Variants in TNKS observed in about 807,000 individuals in gnomAD.
TNKS encodes tankyrase.
A neutral mutation model predicts 135.8 loss-of-function variants in TNKS; 72 were observed. That is an observed-to-expected ratio of 0.53 (90% CI 0.44 to 0.64). The LOEUF is 0.64. Ranked by LOEUF, TNKS falls within the 30% of genes least tolerant of loss-of-function variation. The probability of loss-of-function intolerance (pLI) is 0.00; values close to 1 mark genes in which losing one functional copy is unlikely to be tolerated. For missense variants in TNKS, 1,769 were observed against 1,674.0 expected, an observed-to-expected ratio of 1.06 and a Z score of -0.99; for synonymous variants, 849 against 649.3, an observed-to-expected ratio of 1.31 and a Z score of -4.68.
Position 9,663,690 on chromosome 8 carries a change from A to T in TNKS, c.995-16261A>T, listed in dbSNP as rs116263527. ...TTCCCATGACCTCTTCATCAAGTTT[A>T]ATTATTTGCTAGTGGTGCCCACAGA... On this transcript the variant is annotated intron_variant, in intron 3 of 26. Transcript: ENST00000310430. Among the ~76,000 whole-genome samples, 334 of 152,230 alleles carry T rather than the reference A, an allele frequency of 2.2e-3. 1 individual carries two copies. The highest frequency in any genetic ancestry group is 7.5e-3 in the African/African-American group (311 of 41,542).
At chr8:9,649,351 G>T (rs1281764483) in intron 3 of TNKS, among the ~76,000 whole-genome samples, 8 of 152,206 alleles carry the variant, frequency 5.3e-5, no homozygotes, top group African/African-American at 1.7e-4. Context: ...TGGCGAATAA[G>T]ATGAGGCAAG....
chr8:9,725,813 T>C (rs1374422507), intron 12 of TNKS, among the ~76,000 whole-genome samples: 5 of 152,212 alleles, frequency 3.3e-5, no homozygotes, highest in Non-Finnish European at 7.3e-5. Context: ...TTTAAAAACT[T>C]ATTTTATTTG....
intron 11 of TNKS, among the ~76,000 whole-genome samples, chr8:9,715,081 G>A (rs1177046774): frequency 6.6e-6 from 1 of 152,162 alleles, no homozygotes; most frequent in African/African-American, 2.4e-5. Flanking sequence ...AGTGTCTACA[G>A]AGTACAGGAG....
intron 1 of TNKS, among the ~76,000 whole-genome samples, chr8:9,571,657 C>T (rs911474272): frequency 2.6e-5 from 4 of 152,088 alleles, no homozygotes; most frequent in East Asian, 1.9e-4. Flanking sequence ...CGGGGTTTCA[C>T]CGTGTTAGCT....
At chr8:9,760,756 A>G (rs1310244374) in intron 20 of TNKS, among the ~76,000 whole-genome samples, 1 of 152,224 alleles carries the variant, frequency 6.6e-6, no homozygotes, top group Non-Finnish European at 1.5e-5. Context: ...TTTTGAGCCA[A>G]CTAATCATCT....
At chr8:9,776,315 C>CA (rs1808224015) in intron 26 of TNKS, among the ~76,000 whole-genome samples, 1 of 152,226 alleles carries the variant, frequency 6.6e-6, no homozygotes, top group Non-Finnish European at 1.5e-5. Flanking sequence ...CGCTGTGTGA[C>CA]AGCACCAATG....
At chr8:9,612,703 T>G (rs1468919144) in intron 2 of TNKS, among the ~76,000 whole-genome samples, 1 of 151,986 alleles carries the variant, frequency 6.6e-6, no homozygotes, top group Non-Finnish European at 1.5e-5. Context: ...AATGGTAGAG[T>G]CGAGGGAGGG....
rs559338665 is a variant in TNKS, at chr8:9,722,421, C to A, written c.1921+1876C>A. ...AGGTCATTCGTAGATAGTGATCATTCTACTTCAGCCTTAATGGTGATCTTG... is the reference window on the plus strand; with the variant it reads ...AGGTCATTCGTAGATAGTGATCATTATACTTCAGCCTTAATGGTGATCTTG... On this transcript the variant is annotated intron_variant, in intron 12 of 26. Coordinates refer to ENST00000310430, the MANE Select transcript of TNKS (RefSeq NM_003747.3). The A allele has an allele frequency of 8.3e-4, 127 of 152,268 alleles. 1 individual carries two copies. The highest frequency in any genetic ancestry group is 3.0e-3 in the African/African-American group (123 of 41,556). 9.4% of individuals were successfully genotyped at this position (152,268 alleles called of 1,614,324 possible).
chr8:9,613,268 G>GTTGAGAGTA (rs1373772809), intron 2 of TNKS, among the ~76,000 whole-genome samples: 1 of 152,198 alleles, frequency 6.6e-6, no homozygotes, highest in Non-Finnish European at 1.5e-5. Flanking sequence ...CACTGGTAGA[G>GTTGAGAGTA]TTGAGAGTAC....
chr8:9,730,064 C>T (rs11778555), intron 13 of TNKS, among the ~76,000 whole-genome samples: 89,530 of 152,002 alleles, frequency 0.59, 26,702 homozygotes, highest in Middle Eastern at 0.7. Context: ...CGTGAGCCAA[C>T]GCACCTGGCC....
In TNKS at chr8:9,710,249, G is replaced by T. The variant is rs190310339; in HGVS notation, c.1749+29G>T. The T allele has an allele frequency of 8.7e-6, 14 of 1,606,818 alleles. No individual in the cohort carries two copies. In the East Asian group the frequency reaches 2.5e-4, roughly 28 times the overall value. ...AGGCACACACCTGAGCAGAGTGCCA[G>T]ACTCAGCACTGAGCAGCCAGCTGCT... On this transcript the variant is annotated intron_variant, in intron 11 of 26. Transcript: ENST00000310430.
intron 5 of TNKS, among the ~76,000 whole-genome samples, chr8:9,698,770 T>A (rs189042359): frequency 6.7e-4 from 102 of 152,320 alleles, no homozygotes; most frequent in African/African-American, 2.2e-3. Flanking sequence ...AAATTAAAAC[T>A]ACCTTAAATG....
At chr8:9,685,376 G>C (rs1427927532) in intron 5 of TNKS, among the ~76,000 whole-genome samples, 1 of 152,082 alleles carries the variant, frequency 6.6e-6, no homozygotes, top group African/African-American at 2.4e-5. Context: ...TTTCCACAAG[G>C]CATTTGAGAG....
intron 1 of TNKS, among the ~76,000 whole-genome samples, chr8:9,577,198 G>C (rs1339907259): frequency 6.6e-6 from 1 of 151,852 alleles, no homozygotes; most frequent in Admixed American, 6.6e-5. Flanking sequence ...AATTGGTAGA[G>C]GGCAACTTGG....
chr8:9,646,354 C>G (rs1265919942), intron 3 of TNKS, among the ~76,000 whole-genome samples: 1 of 151,916 alleles, frequency 6.6e-6, no homozygotes, highest in African/African-American at 2.4e-5. Context: ...TTTTTATTCA[C>G]CTTTTTAAAT....
At chr8:9,564,020 G>C (rs541070249) in intron 1 of TNKS, among the ~76,000 whole-genome samples, 1 of 152,222 alleles carries the variant, frequency 6.6e-6, no homozygotes, top group South Asian at 2.1e-4. Context: ...CTCTCAGTAA[G>C]GTCTGCAGGA....
intron 20 of TNKS, among the ~76,000 whole-genome samples, chr8:9,758,051 G>C (rs112343329): frequency 2.9e-3 from 446 of 152,262 alleles, no homozygotes; most frequent in Non-Finnish European, 3.7e-3. Context: ...GACAGATACA[G>C]CTATACATCT....
chr8:9,648,944 GA>G (rs553613649), intron 3 of TNKS, among the ~76,000 whole-genome samples: 378 of 134,328 alleles, frequency 2.8e-3, no homozygotes, highest in African/African-American at 5.1e-3. Context: ...ATTCCTGGGA[GA>G]AAAAAAAAAA....
chr8:9,630,544 TTAGA>T (rs754366976), intron 3 of TNKS, among the ~76,000 whole-genome samples: 12 of 152,134 alleles, frequency 7.9e-5, no homozygotes, highest in Non-Finnish European at 1.2e-4. Context: ...CTTCAAATAA[TTAGA>T]TAGTTACAAA....
Sources: allele counts gnomAD v4.1 joint callset (sites outside exome capture counted in the v4.1 genomes callset), GRCh38; gene constraint gnomAD v4.1.1; transcripts MANE v1.5; gene names NCBI Gene and HGNC (gene_info 2026-07-23, HGNC 2026-07-21).